The following RPH3A variants were observed in gnomAD, a reference collection of about 807,000 sequenced individuals.
RPH3A encodes the protein rabphilin-3A.
Under a neutral mutation model 102.2 loss-of-function variants are expected in RPH3A, and 48 were observed. That is an observed-to-expected ratio of 0.47 (90% CI 0.37 to 0.60). The LOEUF (loss-of-function observed/expected upper bound fraction) is 0.60, where lower values mean the gene tolerates loss of function less well. Among genes scored for constraint, RPH3A ranks in the 20% least tolerant of loss-of-function variants. RPH3A has a pLI of 0.00. For missense variants in RPH3A, 781 were observed against 910.1 expected, an observed-to-expected ratio of 0.86 and a Z score of 1.83; for synonymous variants, 310 against 324.3, an observed-to-expected ratio of 0.96 and a Z score of 0.47.
chr12:112,709,207 A>G (rs1344334313), intron 1 of RPH3A, among the ~76,000 whole-genome samples: 1 of 152,120 alleles, frequency 6.6e-6, no homozygotes, highest in Non-Finnish European at 1.5e-5. Context: ...GTACCTGACC[A>G]CTCTTAGTTC....
chr12:112,698,105 C>T (rs1044597240), intron 1 of RPH3A, among the ~76,000 whole-genome samples: 17 of 152,002 alleles, frequency 1.1e-4, no homozygotes, highest in Admixed American at 7.2e-4. Flanking sequence ...GAAATAGACC[C>T]GCACATATTT....
At chr12:112,808,159 G>A (rs1010208635) in intron 2 of RPH3A, among the ~76,000 whole-genome samples, 1 of 152,180 alleles carries the variant, frequency 6.6e-6, no homozygotes, top group African/African-American at 2.4e-5. Context: ...AGCAACACCA[G>A]CAAAGAGGGG....
chr12:112,717,391 C>T (rs1453948473), intron 1 of RPH3A, among the ~76,000 whole-genome samples: 1 of 152,110 alleles, frequency 6.6e-6, no homozygotes, highest in Non-Finnish European at 1.5e-5. Flanking sequence ...ATGTCATACA[C>T]ATGAAATATT....
chr12:112,892,001 A>T (rs1225948282), intron 19 of RPH3A, among the ~76,000 whole-genome samples: 1 of 152,260 alleles, frequency 6.6e-6, no homozygotes, highest in East Asian at 1.9e-4. Flanking sequence ...TGGAGACAAG[A>T]GTTCCACTTA....
In RPH3A at chr12:112,729,312, C is replaced by T. The variant is rs542212247; in HGVS notation, c.-139-62831C>T. Among the ~76,000 whole-genome samples the T allele has an allele frequency of 1.2e-3, 186 of 152,130 alleles. 1 individual carries two copies. Among genetic ancestry groups the T allele is most frequent in the African/African-American group, 4.0e-3 (167 of 41,498 alleles). ...TGAAATCCTCCTATCTCAGTCCCCTCGCTGAGTCTACAGGTAAGTGTGTCA... is the reference window on the plus strand; with the variant it reads ...TGAAATCCTCCTATCTCAGTCCCCTTGCTGAGTCTACAGGTAAGTGTGTCA... On this transcript the variant is annotated intron_variant, in intron 1 of 21. Coordinates refer to the RPH3A transcript ENST00000543106.
chr12:112,680,404 C>T (rs1437905910), intron 1 of RPH3A, among the ~76,000 whole-genome samples: 1 of 152,178 alleles, frequency 6.6e-6, no homozygotes, highest in Non-Finnish European at 1.5e-5. Flanking sequence ...TCACTGAGCA[C>T]TTGCCATGTG....
At chr12:112,645,302 AG>A (rs1315679669) in intron 1 of RPH3A, among the ~76,000 whole-genome samples, 1 of 152,126 alleles carries the variant, frequency 6.6e-6, no homozygotes, top group African/African-American at 2.4e-5. Context: ...CTTTGTTTGA[AG>A]TTAGTACACT....
intron 1 of RPH3A, among the ~76,000 whole-genome samples, chr12:112,710,535 G>A (rs1278521514): frequency 6.6e-6 from 1 of 152,150 alleles, no homozygotes; most frequent in Admixed American, 6.5e-5. Context: ...TTCCCTTTCA[G>A]GCCCAATCAT....
chr12:112,636,716 C>T (rs551076576), intron 1 of RPH3A, among the ~76,000 whole-genome samples: 11 of 152,262 alleles, frequency 7.2e-5, no homozygotes, highest in South Asian at 2.1e-4. Context: ...CAGAGGGCAA[C>T]GCCTGGGACA....
intron 1 of RPH3A, among the ~76,000 whole-genome samples, chr12:112,621,172 G>T (rs117189588): frequency 1.3e-5 from 2 of 152,134 alleles, no homozygotes; most frequent in East Asian, 3.9e-4. Context: ...TGTTTACTGA[G>T]CAGCTACTTA....
chr12:112,661,601 G>A (rs2040049033), intron 1 of RPH3A, among the ~76,000 whole-genome samples: 1 of 152,146 alleles, frequency 6.6e-6, no homozygotes, highest in Admixed American at 6.6e-5. Context: ...CATATGGAAG[G>A]GATCTTCCTG....
intron 4 of RPH3A, among the ~76,000 whole-genome samples, chr12:112,841,794 A>G (rs529957688): frequency 6.7e-6 from 1 of 149,450 alleles, no homozygotes; most frequent in African/African-American, 2.5e-5. Flanking sequence ...GAAATCTGGG[A>G]GCTGCAGGAA....
rs1045981643 is a variant in RPH3A, at chr12:112,762,811, T to C, written c.-139-29332T>C. ...CACCAGGAGAAAGAGAACTCCTTTT[T>C]ATTTAAGGTTCCAGAGAGAGTCTGA... On this transcript the variant is annotated intron_variant, in intron 1 of 21. Transcript: ENST00000543106. Among the ~76,000 whole-genome samples the C allele has an allele frequency of 1.2e-4, 19 of 152,190 alleles. 1 individual carries two copies. Among genetic ancestry groups the C allele is most frequent in the African/African-American group, 4.1e-4 (17 of 41,440 alleles).
At chr12:112,790,205 C>T (rs747279825), upstream of RPH3A, among the ~76,000 whole-genome samples, 2 of 152,004 alleles carry the variant, frequency 1.3e-5, no homozygotes, top group South Asian at 2.1e-4. Context: ...TACAGGTGCA[C>T]ACCACCATGC....
chr12:112,832,061 A>C (rs567844485), intron 3 of RPH3A, among the ~76,000 whole-genome samples: 2 of 151,992 alleles, frequency 1.3e-5, no homozygotes, highest in African/African-American at 4.8e-5. Flanking sequence ...TATTTTCCCT[A>C]TCTGGAATCT....
At chr12:112,619,429 G>A (rs558456926) in intron 1 of RPH3A, among the ~76,000 whole-genome samples, 1 of 152,018 alleles carries the variant, frequency 6.6e-6, no homozygotes, top group Non-Finnish European at 1.5e-5. Flanking sequence ...GGGATTACAG[G>A]CATGCTATCA....
chr12:112,832,640 G>A lies in RPH3A; in HGVS notation c.72-3851G>A, dbSNP rs1284746904. 2.6e-5 allele frequency among the ~76,000 whole-genome samples: 4 copies of A among 152,094 alleles called. No homozygotes were observed. In the East Asian group the frequency reaches 7.7e-4, roughly 29 times the overall value. On this transcript the variant is annotated intron_variant, in intron 3 of 21. Coordinates refer to ENST00000389385, the MANE Select transcript of RPH3A (RefSeq NM_001143854.2). The stretch of plus-strand genomic sequence containing the variant: ...GAGTATCACTTAAGGCCAGGAGTTC[G>A]AGACCAGCCTGGCCAACACAGTGAG...
chr12:112,869,950 C>A lies in RPH3A; in HGVS notation c.707C>A (p.Ala236Asp), dbSNP rs768175767. ...AACTATGGGCCTCCCGTGCGCAGGG[C>A]CTCCGAGGCACGAATGAGCTCATCT... The part of the protein sequence containing the change: ...RGNYGPPVRR[A>D]SEARMSSSSR... Residue 236 changes from alanine (A) to aspartate (D), a missense_variant, in exon 10 of 22, where the codon GCC (alanine) becomes GAC (aspartate). Ala to Asp is a moderately radical substitution (Grantham distance 126). This residue lies in a region of RPH3A where 730 missense variants were observed against 810.0 expected (regional missense o/e 0.90). Transcript: ENST00000389385. 2.5e-6 allele frequency: 4 copies of A among 1,614,126 alleles called. 1 individual carries two copies. The highest frequency in any genetic ancestry group is 3.3e-4 in the Middle Eastern group (2 of 6,062).
upstream of RPH3A, among the ~76,000 whole-genome samples, chr12:112,788,648 T>A (rs1056780512): frequency 2.6e-5 from 4 of 152,206 alleles, no homozygotes; most frequent in Admixed American, 1.3e-4. Flanking sequence ...GGCAAGTGTC[T>A]AGGTATGCAG....
Sources: gnomAD v4.1 joint callset for allele counts (sites outside exome capture counted in the v4.1 genomes callset) on GRCh38, gnomAD v4.1.1 for gene constraint, gnomAD v4.1.1 regional missense constraint, MANE v1.5 for transcripts, NCBI Gene and HGNC (gene_info 2026-07-23, HGNC 2026-07-21) for gene names.